The following MBOAT1 variants were observed in gnomAD, a reference collection of about 807,000 sequenced individuals.
The protein encoded by MBOAT1 is membrane bound glycerophospholipid O-acyltransferase 1.
Under a neutral mutation model 64.4 loss-of-function variants are expected in MBOAT1, and 67 were observed. The ratio of observed to expected loss-of-function variants is 1.04; its 90% CI spans 0.85 to 1.27. MBOAT1 has a LOEUF of 1.27. Among genes scored for constraint, MBOAT1 ranks in the 50% most tolerant of loss-of-function variants. MBOAT1 has a pLI of 0.00. For synonymous variants in MBOAT1, 229 were observed against 218.9 expected, an observed-to-expected ratio of 1.05 and a Z score of -0.41; for missense variants, 563 against 604.6, an observed-to-expected ratio of 0.93 and a Z score of 0.72.
intron 1 of MBOAT1, among the ~76,000 whole-genome samples, chr6:20,182,909 A>G (rs995437006): frequency 1.3e-5 from 2 of 152,118 alleles, no homozygotes; most frequent in African/African-American, 4.8e-5. Context: ...TCAAACCCCA[A>G]CCATTATTAT....
At chr6:20,174,173 C>T (rs545657396) in intron 1 of MBOAT1, among the ~76,000 whole-genome samples, 73 of 152,286 alleles carry the variant, frequency 4.8e-4, no homozygotes, top group Non-Finnish European at 7.9e-4. Flanking sequence ...AGAAACATAG[C>T]GGTTCATTAC....
chr6:20,168,651 G>A (rs1271171258), intron 1 of MBOAT1, among the ~76,000 whole-genome samples: 43 of 133,456 alleles, frequency 3.2e-4, no homozygotes, highest in Non-Finnish European at 5.2e-4. Flanking sequence ...GAGAGGAGAG[G>A]AGAGGGAAAG....
chr6:20,175,776 T>A (rs149440748), intron 1 of MBOAT1, among the ~76,000 whole-genome samples: 219 of 151,998 alleles, frequency 1.4e-3, no homozygotes, highest in Middle Eastern at 0.01. Flanking sequence ...CTGGCCTTTT[T>A]ATTTTTTTGT....
At chr6:20,203,223 C>T (rs1249130558) in intron 1 of MBOAT1, among the ~76,000 whole-genome samples, 2 of 152,122 alleles carry the variant, frequency 1.3e-5, no homozygotes, top group Admixed American at 6.5e-5. Flanking sequence ...TGGCATCTTT[C>T]GTATGTATGA....
At position 20,170,233 on chromosome 6, in the gene MBOAT1, C is replaced by A. The variant is rs186294902; in HGVS notation, c.100-17464G>T. Among the ~76,000 whole-genome samples the A allele has an allele frequency of 1.7e-3, 261 of 152,348 alleles. 1 individual carries two copies. The highest frequency in any genetic ancestry group is 0.014 in the Middle Eastern group (4 of 294). On this transcript the variant is annotated intron_variant, in intron 1 of 12. Coordinates refer to ENST00000324607, the MANE Select transcript of MBOAT1 (RefSeq NM_001080480.3). Reference sequence around the variant, plus strand: ...TTCTCGCTCCTATGCCTCCAAATACCATGCCTTCCAAATCTTGATCTCCAG... The same window carrying A: ...TTCTCGCTCCTATGCCTCCAAATACAATGCCTTCCAAATCTTGATCTCCAG...
At chr6:20,147,391 G>A (rs746752730) in intron 3 of MBOAT1, among the ~76,000 whole-genome samples, 1 of 152,254 alleles carries the variant, frequency 6.6e-6, no homozygotes, top group Non-Finnish European at 1.5e-5. Context: ...TGTTATCCCA[G>A]CACTTTGGGA....
intron 4 of MBOAT1, 73 bp downstream of exon 4, chr6:20,144,147 T>C (rs896820363): frequency 3.2e-6 from 3 of 941,862 alleles, no homozygotes; most frequent in Non-Finnish European, 5.0e-6. Context: ...TGTGCACCCT[T>C]GATGTTTACA....
intron 12 of MBOAT1, among the ~76,000 whole-genome samples, chr6:20,106,625 T>C (rs1001435619): frequency 4.6e-5 from 7 of 152,198 alleles, no homozygotes; most frequent in African/African-American, 1.7e-4. Flanking sequence ...GGTTTCACCA[T>C]GCTGGCCAGG....
chr6:20,109,567 G>A (rs772556337), intron 12 of MBOAT1, 31 bp downstream of exon 12: 32 of 1,597,508 alleles, frequency 2.0e-5, no homozygotes, highest in South Asian at 1.8e-4. Flanking sequence ...AGTCATTTAC[G>A]AGATGGCAAC....
At position 20,152,777 on chromosome 6, in the gene MBOAT1, A is replaced by AT. The variant is rs879106379; in HGVS notation, c.100-9_100-8insA. On this transcript the variant is annotated splice_polypyrimidine_tract_variant and intron_variant, in intron 1 of 12. Coordinates refer to ENST00000324607, the MANE Select transcript of MBOAT1 (RefSeq NM_001080480.3). ...GCATACCACAAAATTCACCTGTGGC[A>AT]GGGGAAGAGAAAATAAAAACCTTTG... The AT allele has an allele frequency of 3.8e-6, 6 of 1,593,560 alleles. No individual in the cohort carries two copies. In the South Asian group the frequency reaches 6.9e-5, roughly 18 times the overall value.
intron 3 of MBOAT1, among the ~76,000 whole-genome samples, chr6:20,150,224 G>A (rs1026108797): frequency 3.3e-5 from 5 of 152,016 alleles, no homozygotes; most frequent in African/African-American, 9.7e-5. Flanking sequence ...AAACATCATC[G>A]TAAAAATATT....
intron 1 of MBOAT1, among the ~76,000 whole-genome samples, chr6:20,161,785 C>T (rs1043910572): frequency 6.6e-6 from 1 of 152,224 alleles, no homozygotes; most frequent in Non-Finnish European, 1.5e-5. Flanking sequence ...TAACTCCCAA[C>T]ATTCTCCCCA....
At chr6:20,155,473 T>C (rs1243890777) in intron 1 of MBOAT1, among the ~76,000 whole-genome samples, 2 of 152,192 alleles carry the variant, frequency 1.3e-5, no homozygotes, top group South Asian at 4.1e-4. Context: ...AGAGAAGACT[T>C]ACATGCTCTG....
rs1320433182 is a variant in MBOAT1, at chr6:20,099,708, C to T, written c.*2578G>A. Among the ~76,000 whole-genome samples the T allele has an allele frequency of 6.7e-6, 1 of 149,124 alleles. No homozygotes were observed. Among genetic ancestry groups the T allele is most frequent in the Non-Finnish European group, 1.5e-5 (1 of 67,360 alleles). On this transcript the variant is annotated 3_prime_UTR_variant, in exon 13 of 13. Transcript: ENST00000324607. ...ATTTTAGATTTGGCTTTTTCAAAAA[C>T]AAAACCAGAAAGTGTATTTATTTTC...
intron 1 of MBOAT1, among the ~76,000 whole-genome samples, chr6:20,161,371 A>T (rs1761853043): frequency 6.6e-6 from 1 of 152,120 alleles, no homozygotes; most frequent in African/African-American, 2.4e-5. Flanking sequence ...CACTGTAATA[A>T]GAATAGAAAT....
chr6:20,178,702 A>G (rs917328470), intron 1 of MBOAT1, among the ~76,000 whole-genome samples: 1 of 152,174 alleles, frequency 6.6e-6, no homozygotes, highest in Non-Finnish European at 1.5e-5. Context: ...GGTATACTTC[A>G]AGTACACCTG....
At chr6:20,159,667 C>A (rs570559303) in intron 1 of MBOAT1, among the ~76,000 whole-genome samples, 2 of 152,186 alleles carry the variant, frequency 1.3e-5, no homozygotes, top group Admixed American at 6.5e-5. Context: ...TCAATGGGTA[C>A]AAAGTTACTG....
At chr6:20,120,496 C>T (rs537980636) in intron 8 of MBOAT1, among the ~76,000 whole-genome samples, 48 of 152,062 alleles carry the variant, frequency 3.2e-4, no homozygotes, top group Non-Finnish European at 5.6e-4. Flanking sequence ...TGGTGAAACC[C>T]CATCTCTACT....
chr6:20,159,189 CT>C (rs2113706627), intron 1 of MBOAT1, among the ~76,000 whole-genome samples: 1 of 152,182 alleles, frequency 6.6e-6, no homozygotes, highest in African/African-American at 2.4e-5. Flanking sequence ...GGTCCATGGC[CT>C]GTTAGGAACC....
Sources: gnomAD v4.1 joint callset for allele counts (sites outside exome capture counted in the v4.1 genomes callset) on GRCh38, gnomAD v4.1.1 for gene constraint, MANE v1.5 for transcripts, NCBI Gene and HGNC (gene_info 2026-07-23, HGNC 2026-07-21) for gene names.